The following NTN5 variants were observed in gnomAD, a reference collection of about 807,000 sequenced individuals.
NTN5 encodes the protein netrin-5.
Under a neutral mutation model 38.7 loss-of-function variants are expected in NTN5, and 42 were observed. That is an observed-to-expected ratio of 1.08 (90% CI 0.85 to 1.40). The LOEUF (loss-of-function observed/expected upper bound fraction) is 1.40, where lower values mean the gene tolerates loss of function less well. Ranked by LOEUF, NTN5 falls within the 40% of genes most tolerant of loss-of-function variation. The pLI is 0.00. For synonymous variants in NTN5, 329 were observed against 303.9 expected (o/e 1.08, Z -0.86); for missense variants, 658 against 716.5 (o/e 0.92, Z 0.93).
chr19:48,666,206 C>G (rs1249945853), intron 2 of NTN5, among the ~76,000 whole-genome samples: 1 of 152,168 alleles, frequency 6.6e-6, no homozygotes, highest in Non-Finnish European at 1.5e-5. Flanking sequence ...AAACACAGGT[C>G]TTCTAGCTTG....
chr19:48,664,511 C>T (rs2031640926), intron 3 of NTN5, 68 bp downstream of exon 3: 2 of 1,465,898 alleles, frequency 1.4e-6, no homozygotes, highest in Non-Finnish European at 1.8e-6. Context: ...CCCAGCCCCT[C>T]CTCCCTCAGC....
intron 6 of NTN5, chr19:48,662,915 T>C: frequency 3.7e-6 from 1 of 273,380 alleles, no homozygotes; most frequent in Non-Finnish European, 7.3e-6. Context: ...TCTGCGGTCC[T>C]ATACATTGAG....
At position 48,664,601 on chromosome 19, in the gene NTN5, G is replaced by T. The variant is rs750098003; in HGVS notation, c.798C>A (p.Ile266=). 4.3e-6 allele frequency: 7 copies of T among 1,613,268 alleles called. No individual in the cohort carries two copies. Among genetic ancestry groups the T allele is most frequent in the South Asian group, 2.2e-5 (2 of 90,994 alleles). The stretch of plus-strand genomic sequence containing the variant: ...CACCTCTGCAGGCCCTGCGGCTGAA[G>T]ATAGGCTGGCTAGGGTCCCTCCAGA... ...PGFWRDPSQP[I]FSRRACRACQ... The change falls in exon 3 of 7, where the codon ATC becomes ATA. Residue 266 remains isoleucine (I), a synonymous_variant. Coordinates refer to ENST00000270235, the MANE Select transcript of NTN5 (RefSeq NM_145807.4).
chr19:48,661,637 A>G lies in NTN5; in HGVS notation c.*40T>C. On this transcript the variant is annotated 3_prime_UTR_variant, in exon 7 of 7. Coordinates refer to ENST00000270235, the MANE Select transcript of NTN5 (RefSeq NM_145807.4). The stretch of plus-strand genomic sequence containing the variant: ...GAAGGCTCAGCTCCTAGTCGCTCCC[A>G]AATTACTTTGTTGGTGCTCGAGGCA... The G allele has an allele frequency of 1.4e-6, 2 of 1,477,966 alleles. No individual in the cohort carries two copies. The highest frequency in any genetic ancestry group is 4.8e-5 in the Admixed American group (2 of 41,960). 91.6% of individuals were successfully genotyped at this position (1,477,966 alleles called of 1,614,324 possible). A position where few individuals can be genotyped will look rare whatever the true frequency, so the allele number is the denominator to read the frequency against.
intron 2 of NTN5, among the ~76,000 whole-genome samples, chr19:48,665,421 G>A (rs1214943887): frequency 6.8e-6 from 1 of 147,692 alleles, no homozygotes; most frequent in African/African-American, 2.5e-5. Flanking sequence ...GGGCAAAGGA[G>A]CAAGACTCCA....
At chr19:48,664,421 C>T in intron 3 of NTN5, 129 bp from the exon 4 acceptor site, 1 of 1,344,734 alleles carries the variant, frequency 7.4e-7, no homozygotes, top group South Asian at 1.5e-5. Context: ...ACCCAGGAGT[C>T]CAGGCCCCCA....
At position 48,672,941 on chromosome 19, in the gene NTN5, A is replaced by G. The variant is rs1445102090; in HGVS notation, c.-30T>C. On this transcript the variant is annotated 5_prime_UTR_variant, in exon 1 of 7. Transcript: ENST00000270235. ...CCGACATTGGCCAAACCTGCACTCAAGAAGAGAGCGTCCTGCAGCCAGTTC... is the reference window on the plus strand; with the variant it reads ...CCGACATTGGCCAAACCTGCACTCAGGAAGAGAGCGTCCTGCAGCCAGTTC... The G allele has an allele frequency of 9.4e-5, 27 of 288,390 alleles. No homozygotes were observed. The highest frequency in any genetic ancestry group is 2.3e-5 in the African/African-American group (1 of 44,426). 17.9% of individuals were successfully genotyped at this position (288,390 alleles called of 1,614,324 possible).
chr19:48,666,857 AT>A (rs919530945), intron 2 of NTN5, among the ~76,000 whole-genome samples: 25 of 148,538 alleles, frequency 1.7e-4, no homozygotes, highest in South Asian at 4.3e-4. Flanking sequence ...CTACTTTAAA[AT>A]TTTTTTTTTA....
chr19:48,663,371 T>C, intron 6 of NTN5, 92 bp downstream of exon 6: 2 of 1,091,044 alleles, frequency 1.8e-6, no homozygotes, highest in Non-Finnish European at 2.8e-6. Context: ...CCATTTAAGA[T>C]GAGAAAGTGG....
intron 2 of NTN5, 30 bp downstream of exon 2, chr19:48,670,326 G>T: frequency 7.2e-7 from 1 of 1,388,404 alleles, no homozygotes; most frequent in African/African-American, 1.5e-5. Context: ...GGCAGGCAAA[G>T]GCAGGGAGAG....
Position 48,661,923 on chromosome 19 carries a change from G to T in NTN5, c.1224C>A (p.Asp408Glu). The change falls in exon 7 of 7, where the codon GAC (aspartate) becomes GAA (glutamate). Residue 408 changes from aspartate (D) to glutamate (E), a missense_variant. Transcript: ENST00000270235. ...RAQPVRRGDQ[D>E]AWVPRADLTC... ...TCAGGTCGGCGCGGGGCACCCAGGC[G>T]TCCTGGTCGCCGCGTCGCACGGGCT... is the stretch of plus-strand genomic sequence containing the variant. 2 of 1,364,982 alleles carry T rather than the reference G, an allele frequency of 1.5e-6. 1 individual carries two copies. The highest frequency in any genetic ancestry group is 1.9e-6 in the Non-Finnish European group (2 of 1,062,642). The allele number at this position is 1,364,982 out of a possible 1,614,324, so 84.6% of individuals were successfully genotyped here.
intron 4 of NTN5, 145 bp downstream of exon 4, chr19:48,663,998 G>A (rs1390612819): frequency 1.7e-6 from 2 of 1,205,334 alleles, no homozygotes; most frequent in Non-Finnish European, 2.3e-6. Flanking sequence ...TTCAGTCCCT[G>A]CTTATCCGAG....
At chr19:48,671,921 G>T (rs1241756251) in intron 1 of NTN5, among the ~76,000 whole-genome samples, 2 of 152,102 alleles carry the variant, frequency 1.3e-5, no homozygotes, top group East Asian at 3.9e-4. Flanking sequence ...AACCTGGGTG[G>T]CTCTGGGGCT....
intron 2 of NTN5, among the ~76,000 whole-genome samples, chr19:48,669,546 C>CAT (rs2031843294): frequency 2.6e-5 from 1 of 38,542 alleles, no homozygotes; most frequent in Non-Finnish European, 5.4e-5. Context: ...ACCATCACCA[C>CAT]CACCACCATC....
At chr19:48,663,114 A>G (rs1226339072) in intron 6 of NTN5, 1 of 436,030 alleles carries the variant, frequency 2.3e-6, no homozygotes, top group Non-Finnish European at 4.6e-6. Flanking sequence ...CATGAAGGGA[A>G]GCAGAAAGGG....
chr19:48,671,082 TG>T, intron 1 of NTN5, 76 bp from the exon 2 acceptor site: 4 of 1,183,338 alleles, frequency 3.4e-6, no homozygotes, highest in Non-Finnish European at 4.6e-6. Flanking sequence ...CCTGTGGAAC[TG>T]GGGCATTCCA....
At position 48,672,989 on chromosome 19, in the gene NTN5, T is replaced by C. The variant is rs536458552; in HGVS notation, c.-78A>G. ...TTCCCCGCAGGCTCTTCCTCCAAGC[T>C]GTGGCGCGGTGGGCTCTCAGGAGGG... On this transcript the variant is annotated 5_prime_UTR_variant, in exon 1 of 7. Coordinates refer to ENST00000270235, the MANE Select transcript of NTN5 (RefSeq NM_145807.4). The C allele has an allele frequency of 7.3e-4, 229 of 314,748 alleles. 1 individual carries two copies. Among genetic ancestry groups the C allele is most frequent in the Middle Eastern group, 4.8e-3 (4 of 826 alleles). 19.5% of individuals were successfully genotyped at this position (314,748 alleles called of 1,614,324 possible).
intron 2 of NTN5, among the ~76,000 whole-genome samples, chr19:48,669,952 C>CACCACCATCACCATCATCACCACT (rs2031899806): frequency 3.0e-5 from 1 of 33,314 alleles, no homozygotes; most frequent in African/African-American, 1.7e-4. Flanking sequence ...CCATCACCAC[C>CACCACCATCACCATCATCACCACT]ACCATCACCA....
intron 3 of NTN5, 114 bp downstream of exon 3, chr19:48,664,465 C>G (rs1242733654): frequency 2.3e-6 from 3 of 1,331,776 alleles, no homozygotes; most frequent in South Asian, 3.0e-5. Flanking sequence ...GTCCAGGCCC[C>G]CAGCCCCTCC....
Sources: gnomAD v4.1 joint callset for allele counts (sites outside exome capture counted in the v4.1 genomes callset) on GRCh38, gnomAD v4.1.1 for gene constraint, MANE v1.5 for transcripts, NCBI Gene and HGNC (gene_info 2026-07-23, HGNC 2026-07-21) for gene names.